The following PCDHA6 variants were observed in gnomAD, a reference collection of about 807,000 sequenced individuals.
PCDHA6 encodes the protein protocadherin alpha-6.
A neutral mutation model predicts 60.3 loss-of-function variants in PCDHA6; 55 were observed. The ratio of observed to expected loss-of-function variants is 0.91; its 90% CI spans 0.73 to 1.14. The LOEUF is 1.14. PCDHA6 is among the 50% of genes most tolerant of loss of function. The probability of loss-of-function intolerance (pLI) is 0.00; values close to 1 mark genes in which losing one functional copy is unlikely to be tolerated. For synonymous variants in PCDHA6, 652 were observed against 557.9 expected (o/e 1.17, Z -2.38); for missense variants, 1,327 against 1,256.5 (o/e 1.06, Z -0.85).
rs781784518 is a variant in PCDHA6, at chr5:140,857,448, A to G, written c.2394+26963A>G. The G allele has an allele frequency of 6.3e-7, 1 of 1,597,896 alleles. No homozygotes were observed. Among genetic ancestry groups the G allele is most frequent in the Non-Finnish European group, 8.6e-7 (1 of 1,167,724 alleles). ...TACACGGTGTTCGTGAAGGAGAACA[A>G]CCCGCCAGGCTGCCACATCTTCACG... On this transcript the variant is annotated intron_variant, in intron 1 of 3. Coordinates refer to ENST00000529310, the MANE Select transcript of PCDHA6 (RefSeq NM_018909.4).
At chr5:140,861,466 TG>T in intron 1 of PCDHA6, 1 of 493,934 alleles carries the variant, frequency 2.0e-6, no homozygotes, top group Admixed American at 2.1e-5. Flanking sequence ...GAGGTAAATC[TG>T]CAGAATGGCA....
chr5:140,895,786 A>G (rs2065159984), intron 1 of PCDHA6, among the ~76,000 whole-genome samples: 2 of 152,080 alleles, frequency 1.3e-5, no homozygotes, highest in Non-Finnish European at 2.9e-5. Context: ...GTATTCAATG[A>G]CGTATATGTA....
intron 1 of PCDHA6, chr5:140,927,529 C>A: frequency 6.2e-7 from 1 of 1,614,098 alleles, no homozygotes; most frequent in South Asian, 1.1e-5. Flanking sequence ...GCTACCTGCC[C>A]GCTCAGGAGA....
intron 1 of PCDHA6, among the ~76,000 whole-genome samples, chr5:140,976,726 T>C (rs2096728998): frequency 6.6e-6 from 1 of 152,202 alleles, no homozygotes; most frequent in East Asian, 1.9e-4. Context: ...TTCATTTATT[T>C]AAACACATTT....
chr5:140,836,991 C>T, intron 1 of PCDHA6: 3 of 347,628 alleles, frequency 8.6e-6, no homozygotes, highest in African/African-American at 2.1e-5. Context: ...GAGGACTTTG[C>T]TAACTGGAGC....
chr5:141,000,395 C>CTCTCTATA (rs1213762225), intron 3 of PCDHA6, among the ~76,000 whole-genome samples: 1 of 53,986 alleles, frequency 1.9e-5, no homozygotes, highest in Non-Finnish European at 3.2e-5. Flanking sequence ...CTCTCTCTCT[C>CTCTCTATA]TATATATATA....
chr5:140,884,791 C>T, intron 1 of PCDHA6: 1 of 1,319,574 alleles, frequency 7.6e-7, no homozygotes, highest in Non-Finnish European at 1.0e-6. Context: ...TAGTTGTTAT[C>T]GAATTTAACA....
chr5:140,887,454 T>A (rs1234442880), intron 1 of PCDHA6, among the ~76,000 whole-genome samples: 5 of 152,178 alleles, frequency 3.3e-5, no homozygotes, highest in Non-Finnish European at 7.3e-5. Context: ...GACAGTTTTT[T>A]AAAAGATATA....
rs151084513 is a variant in PCDHA6, at chr5:140,927,608, G to T, written c.2395-51341G>T. The T allele has an allele frequency of 1.2e-6, 2 of 1,614,168 alleles. No individual in the cohort carries two copies. The highest frequency in any genetic ancestry group is 3.3e-4 in the Middle Eastern group (2 of 6,062). Reference sequence around the variant, plus strand: ...CCTGTATTTGAGCGCTCCGTATACCGCACCAAGGTTCCAGAGACTGCACCC... The same window carrying T: ...CCTGTATTTGAGCGCTCCGTATACCTCACCAAGGTTCCAGAGACTGCACCC... On this transcript the variant is annotated intron_variant, in intron 1 of 3. Coordinates refer to ENST00000529310, the MANE Select transcript of PCDHA6 (RefSeq NM_018909.4).
In PCDHA6 at chr5:140,828,549, C is replaced by T. The variant is rs1769814403; in HGVS notation, c.458C>T (p.Pro153Leu). The part of the protein sequence containing the change: ...YESRLPDSVF[P>L]LEGASDADVG... ...TCTAGGCTGCCAGATTCTGTGTTTCCACTGGAGGGCGCGTCCGATGCAGAT... is the reference window on the plus strand; with the variant it reads ...TCTAGGCTGCCAGATTCTGTGTTTCTACTGGAGGGCGCGTCCGATGCAGAT... The change falls in exon 1 of 4, where the codon CCA (proline) becomes CTA (leucine). Residue 153 changes from proline to leucine, a missense_variant. Transcript: ENST00000529310. 2.5e-6 allele frequency: 4 copies of T among 1,614,090 alleles called. No homozygotes were observed. Among genetic ancestry groups the T allele is most frequent in the Non-Finnish European group, 2.5e-6 (3 of 1,180,046 alleles).
At chr5:140,847,583 T>A (rs1323179301) in intron 1 of PCDHA6, 3 of 149,348 alleles carry the variant, frequency 2.0e-5, no homozygotes, top group African/African-American at 7.3e-5. Context: ...GGATGAGCAA[T>A]AATGAAATTA....
chr5:140,944,451 T>C (rs6878788), intron 1 of PCDHA6, among the ~76,000 whole-genome samples: 8,488 of 152,228 alleles, frequency 0.056, 701 homozygotes, highest in African/African-American at 0.18. Flanking sequence ...CCTCCCAAAG[T>C]GCTGGGATTA....
At chr5:140,848,403 G>A (rs1052101954) in intron 1 of PCDHA6, 4 of 1,316,724 alleles carry the variant, frequency 3.0e-6, no homozygotes. Context: ...GCTGAACGAT[G>A]GCGAACACAG....
At chr5:140,990,552 C>G (rs1379026755) in intron 3 of PCDHA6, among the ~76,000 whole-genome samples, 5 of 152,130 alleles carry the variant, frequency 3.3e-5, no homozygotes, top group African/African-American at 1.2e-4. Flanking sequence ...CTGTATTACC[C>G]AAGAACACAC....
At chr5:140,912,200 T>C (rs191284675) in intron 1 of PCDHA6, among the ~76,000 whole-genome samples, 123 of 152,280 alleles carry the variant, frequency 8.1e-4, no homozygotes, top group African/African-American at 2.8e-3. Flanking sequence ...CCCACCCAGA[T>C]TGAGGGTAGA....
intron 1 of PCDHA6, chr5:140,856,217 G>C: frequency 6.3e-7 from 1 of 1,598,130 alleles, no homozygotes; most frequent in Non-Finnish European, 8.6e-7. Flanking sequence ...GGAGCTGGCG[G>C]AGCTGGTGCA....
chr5:140,881,453 C>T (rs554262236), intron 1 of PCDHA6: 48 of 714,052 alleles, frequency 6.7e-5, no homozygotes, highest in Admixed American at 6.2e-5. Context: ...GAATCCAAAA[C>T]CTTAGAGCAT....
intron 3 of PCDHA6, among the ~76,000 whole-genome samples, chr5:140,992,959 T>A (rs1262703040): frequency 6.6e-6 from 1 of 152,206 alleles, no homozygotes; most frequent in Non-Finnish European, 1.5e-5. Context: ...TCACCCCTTA[T>A]ACTGCTGACA....
At position 140,967,719 on chromosome 5, in the gene PCDHA6, G is replaced by A. The variant is rs1422649398; in HGVS notation, c.2395-11230G>A. On this transcript the variant is annotated intron_variant, in intron 1 of 3. Coordinates refer to ENST00000529310, the MANE Select transcript of PCDHA6 (RefSeq NM_018909.4). ...ATAGATGCCAGTACCGGGGAAGTGC[G>A]AGTAATTGGGGGGCTGGATTATGAG... 3 of 1,614,052 alleles carry A rather than the reference G, an allele frequency of 1.9e-6. No individual in the cohort carries two copies. In the African/African-American group the frequency reaches 4.0e-5, roughly 22 times the overall value.
Sources: allele counts gnomAD v4.1 joint callset (sites outside exome capture counted in the v4.1 genomes callset), GRCh38; gene constraint gnomAD v4.1.1; transcripts MANE v1.5; gene names NCBI Gene and HGNC (gene_info 2026-07-23, HGNC 2026-07-21).